Variants in PIP5K1C observed in about 807,000 individuals in gnomAD.
PIP5K1C encodes phosphatidylinositol 4-phosphate 5-kinase type-1 gamma.
A neutral mutation model predicts 80.1 loss-of-function variants in PIP5K1C; 45 were observed. That is an observed-to-expected ratio of 0.56 (90% CI 0.44 to 0.72). PIP5K1C has a LOEUF of 0.72. Ranked by LOEUF, PIP5K1C falls within the 30% of genes least tolerant of loss-of-function variation. The pLI is 0.00. For missense variants in PIP5K1C, 753 were observed against 954.6 expected (o/e 0.79, Z 2.78); for synonymous variants, 498 against 420.1 (o/e 1.19, Z -2.27).
At chr19:3,689,103 C>T (rs1055381317) in intron 1 of PIP5K1C, among the ~76,000 whole-genome samples, 21 of 152,190 alleles carry the variant, frequency 1.4e-4, no homozygotes, top group African/African-American at 4.8e-4. Context: ...ACTGCAGCCT[C>T]AAACTCCTGG....
rs73920194 is a variant in PIP5K1C, at chr19:3,642,407, C to T, written c.1682+500G>A. On this transcript the variant is annotated intron_variant, in intron 14 of 17. Transcript: ENST00000335312. ...GGACGGCACGCAGGCGTGACAGGAA[C>T]GGCGCGCACCCACCCCTGAGATCCC... Among the ~76,000 whole-genome samples, 328 of 152,348 alleles carry T rather than the reference C, an allele frequency of 2.2e-3. 1 individual carries two copies. The highest frequency in any genetic ancestry group is 7.6e-3 in the African/African-American group (317 of 41,584).
At chr19:3,659,260 AG>A (rs1338993764) in intron 5 of PIP5K1C, among the ~76,000 whole-genome samples, 1 of 152,178 alleles carries the variant, frequency 6.6e-6, no homozygotes, top group East Asian at 1.9e-4. Context: ...GACAGAGGCT[AG>A]GGGGCTGCCG....
At chr19:3,689,181 G>A (rs1016013795) in intron 1 of PIP5K1C, among the ~76,000 whole-genome samples, 6 of 152,082 alleles carry the variant, frequency 3.9e-5, no homozygotes, top group Middle Eastern at 3.4e-3. Flanking sequence ...GTGAGCCACC[G>A]CACCCAGCCC....
intron 5 of PIP5K1C, among the ~76,000 whole-genome samples, chr19:3,659,671 C>T (rs1307299189): frequency 2.6e-5 from 4 of 151,454 alleles, no homozygotes; most frequent in South Asian, 2.1e-4. Context: ...CGACACGACC[C>T]GGAGCATGGT....
intron 1 of PIP5K1C, among the ~76,000 whole-genome samples, chr19:3,699,344 G>A (rs1457874486): frequency 1.4e-5 from 2 of 138,056 alleles, no homozygotes; most frequent in South Asian, 2.7e-4. Flanking sequence ...GGGTGGGGGG[G>A]GGACTTGATG....
At chr19:3,678,300 GGAGGGA>G (rs2035459033) in intron 1 of PIP5K1C, among the ~76,000 whole-genome samples, 1 of 137,192 alleles carries the variant, frequency 7.3e-6, no homozygotes, top group Non-Finnish European at 1.6e-5. Flanking sequence ...ATGGAGGGAT[GGAGGGA>G]CGGAGGGATG....
At chr19:3,667,557 A>G (rs2035054915) in intron 1 of PIP5K1C, among the ~76,000 whole-genome samples, 1 of 152,318 alleles carries the variant, frequency 6.6e-6, no homozygotes, top group East Asian at 1.9e-4. Flanking sequence ...GGGGCCTGCC[A>G]TGGTCACCCT....
intron 14 of PIP5K1C, among the ~76,000 whole-genome samples, chr19:3,642,468 G>A (rs2034004176): frequency 6.6e-6 from 1 of 152,188 alleles, no homozygotes; most frequent in South Asian, 2.1e-4. Flanking sequence ...TGTGGGCGGC[G>A]TGCACGGGTG....
At position 3,688,753 on chromosome 19, in the gene PIP5K1C, G is replaced by A. The variant is rs1420407873; in HGVS notation, c.94+11544C>T. ...CGGAAAGAGAGAGAGAGAGAGGAGA[G>A]TGGGGGGAGAACGAGAGCGAGAGAC... is the stretch of plus-strand genomic sequence containing the variant. On this transcript the variant is annotated intron_variant, in intron 1 of 17. Transcript: ENST00000335312. The surrounding 1 kb of genome is among the most constrained non-coding windows in gnomAD (Gnocchi z 5.3). Among the ~76,000 whole-genome samples, 1 of 152,052 alleles carries A rather than the reference G, an allele frequency of 6.6e-6. No homozygotes were observed. Among genetic ancestry groups the A allele is most frequent in the Non-Finnish European group, 1.5e-5 (1 of 67,996 alleles).
chr19:3,698,380 G>A (rs1019700321), intron 1 of PIP5K1C, among the ~76,000 whole-genome samples: 4 of 152,228 alleles, frequency 2.6e-5, no homozygotes, highest in African/African-American at 7.2e-5. Flanking sequence ...GGACATCGGC[G>A]GGACCAACTC....
In PIP5K1C at chr19:3,653,597, G is replaced by A; in HGVS notation, c.622-8C>T. On this transcript the variant is annotated splice_polypyrimidine_tract_variant and splice_region_variant and intron_variant, in intron 6 of 17. Transcript: ENST00000335312. ...CGGGTTCTGGTTGAGGTTCTGCCGG[G>A]GGAAGAGGGCAAGTCGTGGAGGGCG... 6.2e-7 allele frequency: 1 copy of A among 1,604,014 alleles called. No homozygotes were observed. The highest frequency in any genetic ancestry group is 8.5e-7 in the Non-Finnish European group (1 of 1,172,962).
intron 5 of PIP5K1C, among the ~76,000 whole-genome samples, chr19:3,656,882 A>G (rs1246726953): frequency 6.6e-6 from 1 of 152,232 alleles, no homozygotes; most frequent in Non-Finnish European, 1.5e-5. Flanking sequence ...GCACCCCTGA[A>G]GCTGGGTGGG....
intron 1 of PIP5K1C, among the ~76,000 whole-genome samples, chr19:3,674,822 C>G (rs909116305): frequency 6.6e-6 from 1 of 152,198 alleles, no homozygotes; most frequent in African/African-American, 2.4e-5. Context: ...TTCTTTGGAA[C>G]AGGAGGAGTT....
intron 15 of PIP5K1C, among the ~76,000 whole-genome samples, chr19:3,641,401 G>A (rs2033955009): frequency 6.6e-6 from 1 of 152,038 alleles, no homozygotes; most frequent in Non-Finnish European, 1.5e-5. Flanking sequence ...GGCCATCCCG[G>A]GCACTGCAGG....
chr19:3,645,891 C>T, intron 11 of PIP5K1C, 83 bp downstream of exon 11: 1 of 1,055,590 alleles, frequency 9.5e-7, no homozygotes, highest in Non-Finnish European at 1.5e-6. Flanking sequence ...GGGCTCTCGG[C>T]CTCCCGCAGA....
intron 16 of PIP5K1C, chr19:3,636,295 G>C (rs922065425): frequency 1.3e-6 from 1 of 777,196 alleles, no homozygotes; most frequent in South Asian, 5.8e-5. Context: ...ACCCAGAACC[G>C]GGTGACCCCA....
chr19:3,653,199 G>T, intron 7 of PIP5K1C, 91 bp downstream of exon 7: 1 of 1,268,250 alleles, frequency 7.9e-7, no homozygotes, highest in Non-Finnish European at 1.1e-6. Flanking sequence ...CCTCGGCCTG[G>T]CACCCTCCCT....
intron 16 of PIP5K1C, chr19:3,636,287 C>T (rs2145367958): frequency 1.4e-6 from 1 of 722,772 alleles, no homozygotes; most frequent in East Asian, 1.3e-4. Flanking sequence ...CAGCTGGGAC[C>T]CAGAACCGGG....
rs960637185 is a variant in PIP5K1C, at chr19:3,688,783, C to A, written c.94+11514G>T. ...GGGAGAACGAGAGCGAGAGACACAC[C>A]GAGCTGGTGGGCCGGGGGAGGGGGA... On this transcript the variant is annotated intron_variant, in intron 1 of 17. Transcript: ENST00000335312. This position sits in a 1 kb window ranked among gnomAD's most constrained non-coding sequence, Gnocchi z 5.3. Among the ~76,000 whole-genome samples, 1 of 151,804 alleles carries A rather than the reference C, an allele frequency of 6.6e-6. No individual in the cohort carries two copies. The highest frequency in any genetic ancestry group is 1.9e-4 in the East Asian group (1 of 5,140).
Sources: allele counts gnomAD v4.1 joint callset (sites outside exome capture counted in the v4.1 genomes callset), GRCh38; gene constraint gnomAD v4.1.1; non-coding constraint Gnocchi (gnomAD v3.1); transcripts MANE v1.5; gene names NCBI Gene and HGNC (gene_info 2026-07-23, HGNC 2026-07-21).